The following EDNRA variants were observed in gnomAD, a reference collection of about 807,000 sequenced individuals.
The protein encoded by EDNRA is endothelin-1 receptor.
A neutral mutation model predicts 41.4 loss-of-function variants in EDNRA; 11 were observed. The ratio of observed to expected loss-of-function variants is 0.27; its 90% CI spans 0.17 to 0.44. EDNRA has a LOEUF of 0.44. Ranked by LOEUF, EDNRA falls within the 20% of genes least tolerant of loss-of-function variation. The pLI is 1.00. For synonymous variants in EDNRA, 172 were observed against 183.0 expected (o/e 0.94, Z 0.49); for missense variants, 294 against 531.0 (o/e 0.55, Z 4.39).
intron 7 of EDNRA, among the ~76,000 whole-genome samples, chr4:147,540,969 C>G (rs1731080512): frequency 6.7e-6 from 1 of 149,612 alleles, no homozygotes; most frequent in Admixed American, 6.7e-5. Flanking sequence ...GCAGTCCCAG[C>G]TACTCGGAGA....
At chr4:147,504,771 A>G (rs578182387) in intron 2 of EDNRA, among the ~76,000 whole-genome samples, 10 of 152,004 alleles carry the variant, frequency 6.6e-5, no homozygotes, top group South Asian at 4.2e-4. Context: ...CCTGGGCAAC[A>G]TGGCAAATCT....
chr4:147,532,482 T>C, intron 3 of EDNRA, 24 bp from the exon 4 acceptor site: 1 of 1,610,248 alleles, frequency 6.2e-7, no homozygotes, highest in Non-Finnish European at 8.5e-7. Context: ...CCTAACAACT[T>C]GGTTCCATTA....
intron 2 of EDNRA, chr4:147,489,734 A>G (rs192510250): frequency 3.9e-5 from 6 of 152,200 alleles, no homozygotes; most frequent in Non-Finnish European, 7.4e-5. Flanking sequence ...TAATTTCTTA[A>G]TTGATCTCCC....
intron 2 of EDNRA, among the ~76,000 whole-genome samples, chr4:147,505,216 AGAGAG>A (rs1244376009): frequency 0.017 from 1,815 of 106,650 alleles, 50 homozygotes; most frequent in African/African-American, 0.065. Flanking sequence ...AAAAAAAAAA[AGAGAG>A]AGAGAGAGAG....
chr4:147,507,762 A>G (rs1053942753), intron 2 of EDNRA, among the ~76,000 whole-genome samples: 6 of 152,196 alleles, frequency 3.9e-5, no homozygotes, highest in South Asian at 2.1e-4. Flanking sequence ...TCACATTCCC[A>G]CCAGCTTTAT....
At chr4:147,537,243 T>C (rs1365737168) in intron 5 of EDNRA, among the ~76,000 whole-genome samples, 1 of 152,212 alleles carries the variant, frequency 6.6e-6, no homozygotes, top group African/African-American at 2.4e-5. Flanking sequence ...GAATCAATAG[T>C]ATTATGAGGA....
chr4:147,523,813 T>C (rs1215002137), intron 3 of EDNRA, among the ~76,000 whole-genome samples: 1 of 152,134 alleles, frequency 6.6e-6, no homozygotes, highest in African/African-American at 2.4e-5. Context: ...TTAAGATCTG[T>C]TCTAACGTTA....
intron 3 of EDNRA, among the ~76,000 whole-genome samples, chr4:147,520,787 C>T (rs1004298982): frequency 6.6e-6 from 1 of 152,168 alleles, no homozygotes. Context: ...TATCAGGGAA[C>T]CTGAGTCTCA....
intron 3 of EDNRA, among the ~76,000 whole-genome samples, chr4:147,522,900 G>A (rs1379072165): frequency 6.6e-6 from 1 of 152,162 alleles, no homozygotes; most frequent in Non-Finnish European, 1.5e-5. Flanking sequence ...GAAGTTACAG[G>A]CAAAAACATA....
intron 2 of EDNRA, among the ~76,000 whole-genome samples, chr4:147,515,658 A>G (rs1730090320): frequency 6.6e-6 from 1 of 152,214 alleles, no homozygotes; most frequent in South Asian, 2.1e-4. Flanking sequence ...TTTAGGGCAT[A>G]AATTTCACAA....
At chr4:147,485,361 G>GACAGAT (rs1435663551) in intron 1 of EDNRA, among the ~76,000 whole-genome samples, 2 of 152,162 alleles carry the variant, frequency 1.3e-5, no homozygotes, top group African/African-American at 4.8e-5. Context: ...CAGAGACAGA[G>GACAGAT]ACGGAGATGA....
At chr4:147,503,837 G>A (rs1347427812) in intron 2 of EDNRA, among the ~76,000 whole-genome samples, 3 of 151,504 alleles carry the variant, frequency 2.0e-5, no homozygotes, top group Admixed American at 2.0e-4. Context: ...TTATATTGAT[G>A]GATATTTATG....
Position 147,536,047 on chromosome 4 carries a change from A to G in EDNRA, c.900+18A>G. 1 of 1,613,690 alleles carries G rather than the reference A, an allele frequency of 6.2e-7. No individual in the cohort carries two copies. Among genetic ancestry groups the G allele is most frequent in the African/African-American group, 1.3e-5 (1 of 75,030 alleles). ...TTAAGCAGGTAAATCCCATAACATC[A>G]TGAAAATCTGGCCAGGACTGGTTAG... On this transcript the variant is annotated intron_variant, in intron 5 of 7. Transcript: ENST00000651419.
intron 5 of EDNRA, among the ~76,000 whole-genome samples, chr4:147,537,760 T>C (rs1363810766): frequency 6.6e-6 from 1 of 152,162 alleles, no homozygotes; most frequent in African/African-American, 2.4e-5. Flanking sequence ...ACAGGTGATT[T>C]AGAGGTTTGC....
rs527475918 is a variant in EDNRA at position 147,529,098 on chromosome 4, T to C, written c.549-3408T>C. Among the ~76,000 whole-genome samples the C allele has an allele frequency of 7.2e-4, 109 of 152,242 alleles. 3 individuals are homozygous for C. Among genetic ancestry groups the C allele is most frequent in the Admixed American group, 7.0e-3 (107 of 15,288 alleles). On this transcript the variant is annotated intron_variant, in intron 3 of 7. Transcript: ENST00000651419. ...GTACGATGGTGAAAAGTGGTTGCAT[T>C]TGGATATATCTTGAAGGAAGTTGTT...
chr4:147,540,241 T>G (rs1471895342), intron 6 of EDNRA, 136 bp from the exon 7 acceptor site: 1 of 810,874 alleles, frequency 1.2e-6, no homozygotes, highest in Non-Finnish European at 1.9e-6. Context: ...AACAAGCACT[T>G]TTTACAAAAT....
chr4:147,497,657 C>T (rs1167458416), intron 2 of EDNRA, among the ~76,000 whole-genome samples: 5 of 152,020 alleles, frequency 3.3e-5, no homozygotes, highest in South Asian at 2.1e-4. Flanking sequence ...CTACAAGCTC[C>T]GCCTCCCAGG....
intron 3 of EDNRA, among the ~76,000 whole-genome samples, chr4:147,525,578 T>A (rs1264378122): frequency 6.9e-6 from 1 of 144,936 alleles, no homozygotes; most frequent in African/African-American, 2.8e-5. Context: ...ATATATTACT[T>A]TGAGTTTGTT....
chr4:147,512,420 A>G (rs1276965534), intron 2 of EDNRA, among the ~76,000 whole-genome samples: 1 of 152,190 alleles, frequency 6.6e-6, no homozygotes, highest in Non-Finnish European at 1.5e-5. Flanking sequence ...GATTCTAAAA[A>G]GTGAAGACCT....
Sources: gnomAD v4.1 joint callset for allele counts (sites outside exome capture counted in the v4.1 genomes callset) on GRCh38, gnomAD v4.1.1 for gene constraint, MANE v1.5 for transcripts, NCBI Gene and HGNC (gene_info 2026-07-23, HGNC 2026-07-21) for gene names.